Variants in LARP6 observed in about 807,000 individuals in gnomAD.
LARP6 encodes the protein la-related protein 6.
A neutral mutation model predicts 32.8 loss-of-function variants in LARP6; 18 were observed. The observed-to-expected ratio is 0.55, with a 90% CI of 0.38 to 0.81. The LOEUF (loss-of-function observed/expected upper bound fraction) is 0.81. Ranked by LOEUF, LARP6 falls within the 40% of genes least tolerant of loss-of-function variation. The pLI, the probability that LARP6 is intolerant of heterozygous loss-of-function variation, is 0.00. For synonymous variants in LARP6, 289 were observed against 267.2 expected (o/e 1.08, Z -0.80); for missense variants, 598 against 663.1 (o/e 0.90, Z 1.08).
At chr15:70,836,579 T>A in intron 1 of LARP6, 74 bp from the exon 2 acceptor site, 1 of 1,208,466 alleles carries the variant, frequency 8.3e-7, no homozygotes, top group Non-Finnish European at 1.2e-6. Context: ...TATGCTGAAG[T>A]CCTGACCCCC....
chr15:70,849,923 C>CTT (rs200462400), intron 1 of LARP6, among the ~76,000 whole-genome samples: 10 of 151,968 alleles, frequency 6.6e-5, no homozygotes, highest in African/African-American at 2.4e-4. Flanking sequence ...TGAGACAAAG[C>CTT]TTTTTTTAAA....
intron 2 of LARP6, 134 bp from the exon 3 acceptor site, chr15:70,833,250 G>A (rs954374567): frequency 1.6e-5 from 11 of 691,858 alleles, no homozygotes; most frequent in African/African-American, 1.1e-4. Flanking sequence ...AGAATCATAC[G>A]TGGTATGTGT....
rs376491663 is a variant in LARP6, at chr15:70,836,436, C to T, written c.270G>A (p.Glu90=). 3 of 1,614,132 alleles carry T rather than the reference C, an allele frequency of 1.9e-6. No individual in the cohort carries two copies. The highest frequency in any genetic ancestry group is 2.5e-6 in the Non-Finnish European group (3 of 1,180,030). Residue 90 remains glutamate, a synonymous_variant, in exon 2 of 3, where the codon GAG becomes GAA. Transcript: ENST00000299213. ...DLEQEWKPPD[E]ELIKKLVDQI... ...GATCCACCAGTTTCTTGATCAACTC[C>T]TCATCCGGGGGCTTCCACTCCTGCT...
chr15:70,845,887 C>T (rs2032336909), intron 1 of LARP6, among the ~76,000 whole-genome samples: 1 of 152,258 alleles, frequency 6.6e-6, no homozygotes, highest in African/African-American at 2.4e-5. Flanking sequence ...AAAGGCTTTA[C>T]TCTGCGGCTG....
At chr15:70,851,320 AT>A in intron 1 of LARP6, 1 of 415,690 alleles carries the variant, frequency 2.4e-6, no homozygotes, top group African/African-American at 2.0e-5. Context: ...TCATAGTACT[AT>A]TTTTTCATAT....
chr15:70,852,490 G>T (rs1447027732), intron 1 of LARP6, among the ~76,000 whole-genome samples: 3 of 152,278 alleles, frequency 2.0e-5, no homozygotes. Context: ...CTCAGGATAG[G>T]GATGGCTATT....
Position 70,830,707 on chromosome 15 carries a change from T to C in LARP6, c.*1345A>G, listed in dbSNP as rs907099856. 8 of 152,240 alleles carry C rather than the reference T, an allele frequency of 5.3e-5. No homozygotes were observed. Among genetic ancestry groups the C allele is most frequent in the African/African-American group, 1.9e-4 (8 of 41,468 alleles). The allele number at this position is 152,240 out of a possible 1,614,324, so 9.4% of individuals were successfully genotyped here. On this transcript the variant is annotated 3_prime_UTR_variant, in exon 3 of 3. Coordinates refer to ENST00000299213, the MANE Select transcript of LARP6 (RefSeq NM_018357.4). ...AATGCATGGAAAGCTCTTAGCATAG[T>C]CCCTGGCACCTAATCACTGTTCAAT...
At chr15:70,843,552 T>TG (rs2032293733) in intron 1 of LARP6, among the ~76,000 whole-genome samples, 1 of 152,174 alleles carries the variant, frequency 6.6e-6, no homozygotes, top group Non-Finnish European at 1.5e-5. Context: ...AATGAGTATT[T>TG]GGGGTCACTT....
chr15:70,842,221 T>G (rs777185703), intron 1 of LARP6, among the ~76,000 whole-genome samples: 1 of 151,490 alleles, frequency 6.6e-6, no homozygotes, highest in South Asian at 2.1e-4. Flanking sequence ...AATTTTTCTG[T>G]TTTTTTTGTA....
intron 1 of LARP6, chr15:70,853,608 T>A (rs2032549903): frequency 3.7e-6 from 1 of 272,610 alleles, no homozygotes; most frequent in African/African-American, 2.2e-5. Flanking sequence ...CCCGTGAAAG[T>A]CCTCCTCCTG....
chr15:70,835,596 C>T (rs1047048244), intron 2 of LARP6, among the ~76,000 whole-genome samples: 7 of 152,196 alleles, frequency 4.6e-5, no homozygotes, highest in Non-Finnish European at 1.0e-4. Flanking sequence ...GTTACGCATC[C>T]CGTTATGCAA....
At chr15:70,833,794 C>A (rs1343144779) in intron 2 of LARP6, among the ~76,000 whole-genome samples, 3 of 152,230 alleles carry the variant, frequency 2.0e-5, no homozygotes, top group Non-Finnish European at 4.4e-5. Flanking sequence ...TCCAAAAGAT[C>A]TTTCGCATTT....
Position 70,832,304 on chromosome 15 carries a change from G to A in LARP6, c.1224C>T (p.Thr408=), listed in dbSNP as rs2141047815. The change falls in exon 3 of 3, where the codon ACC becomes ACT. Residue 408 remains threonine, a synonymous_variant. Coordinates refer to ENST00000299213, the MANE Select transcript of LARP6 (RefSeq NM_018357.4). ...TACACTTGCGGAAGATCTCAGGGCT[G>A]GTGCTGCAGTTCAGTCTACCTTCCT... ...LAEEGRLNCS[T]SPEIFRKCMD... 6.2e-7 allele frequency: 1 copy of A among 1,614,238 alleles called. No homozygotes were observed. Among genetic ancestry groups the A allele is most frequent in the East Asian group, 2.2e-5 (1 of 44,874 alleles).
intron 1 of LARP6, chr15:70,849,148 G>A (rs1262823904): frequency 6.6e-6 from 1 of 152,156 alleles, no homozygotes; most frequent in Non-Finnish European, 1.5e-5. Context: ...CACGAGGTCA[G>A]GAGTTTGAGA....
Position 70,854,076 on chromosome 15 carries a change from C to T in LARP6, c.13G>A (p.Gly5Ser). 7.4e-7 allele frequency: 1 copy of T among 1,352,176 alleles called. No homozygotes were observed. Among genetic ancestry groups the T allele is most frequent in the Non-Finnish European group, 9.6e-7 (1 of 1,045,166 alleles). 83.8% of individuals were successfully genotyped at this position (1,352,176 alleles called of 1,614,324 possible). A position where few individuals can be genotyped will look rare whatever the true frequency, so the allele number is the denominator to read the frequency against. ...TTGGGCCCGGGCCGAGCCTCCCCGC[C>T]GGACTGGGCCATGGCTCGCGGGACT... MAQS[G>S]GEARPGPKTA... Residue 5 changes from glycine to serine, a missense_variant, in exon 1 of 3, where the codon GGC (glycine) becomes AGC (serine). Transcript: ENST00000299213.
chr15:70,845,483 A>G lies in LARP6; in HGVS notation c.200+8406T>C, dbSNP rs529445258. Among the ~76,000 whole-genome samples, 4 of 152,322 alleles carry G rather than the reference A, an allele frequency of 2.6e-5. No individual in the cohort carries two copies. The South Asian group carries it at 8.3e-4, about 32-fold the overall frequency. ...ACCACAGAGGTAAATTTCCATTCTC[A>G]GCACATCCTATCAGGGTAGATGCTA... On this transcript the variant is annotated intron_variant, in intron 1 of 2. Coordinates refer to ENST00000299213, the MANE Select transcript of LARP6 (RefSeq NM_018357.4).
rs2032033596 is a variant in LARP6 at position 70,831,155 on chromosome 15, G to T, written c.*897C>A. The T allele has an allele frequency of 6.6e-6, 1 of 152,210 alleles. No homozygotes were observed. The highest frequency in any genetic ancestry group is 2.4e-5 in the African/African-American group (1 of 41,444). The allele number at this position is 152,210 out of a possible 1,614,324, so 9.4% of individuals were successfully genotyped here. A position where few individuals can be genotyped will look rare whatever the true frequency, so the allele number is the denominator to read the frequency against. ...GGCCTAGGGTTGGCCTGAGAATCTG[G>T]ATTTCTAATAAGTTCCCAGGTGAGA... On this transcript the variant is annotated 3_prime_UTR_variant, in exon 3 of 3. Coordinates refer to ENST00000299213, the MANE Select transcript of LARP6 (RefSeq NM_018357.4).
chr15:70,852,915 C>G (rs578120482), intron 1 of LARP6, among the ~76,000 whole-genome samples: 1 of 152,318 alleles, frequency 6.6e-6, no homozygotes, highest in South Asian at 2.1e-4. Context: ...TAGATATACG[C>G]TTGCCAGGAC....
At chr15:70,846,452 T>A (rs2032346795) in intron 1 of LARP6, among the ~76,000 whole-genome samples, 1 of 151,808 alleles carries the variant, frequency 6.6e-6, no homozygotes, top group African/African-American at 2.4e-5. Flanking sequence ...CTACAAAAAA[T>A]TTAAAAATTA....
Sources: allele counts gnomAD v4.1 joint callset (sites outside exome capture counted in the v4.1 genomes callset), GRCh38; gene constraint gnomAD v4.1.1; transcripts MANE v1.5; gene names NCBI Gene and HGNC (gene_info 2026-07-23, HGNC 2026-07-21).